The following FLI1 variants were observed in gnomAD, a reference collection of about 807,000 sequenced individuals.
The protein encoded by FLI1 is Friend leukemia integration 1 transcription factor.
A neutral mutation model predicts 53.1 loss-of-function variants in FLI1; 13 were observed. The ratio of observed to expected loss-of-function variants is 0.24; its 90% CI spans 0.16 to 0.39. The LOEUF (loss-of-function observed/expected upper bound fraction) is 0.39, where lower values mean the gene tolerates loss of function less well. Among genes scored for constraint, FLI1 ranks in the 10% least tolerant of loss-of-function variants. FLI1 has a pLI of 1.00. For synonymous variants in FLI1, 244 were observed against 236.7 expected, an observed-to-expected ratio of 1.03 and a Z score of -0.28; for missense variants, 424 against 600.5, an observed-to-expected ratio of 0.71 and a Z score of 3.07.
At chr11:128,735,896 T>A (rs757882922) in intron 1 of FLI1, among the ~76,000 whole-genome samples, 1 of 152,202 alleles carries the variant, frequency 6.6e-6, no homozygotes, top group Non-Finnish European at 1.5e-5. Context: ...TTGTTTAACT[T>A]TGAAGGGAAT....
chr11:128,805,997 C>T (rs1942772965), intron 6 of FLI1: 1 of 151,780 alleles, frequency 6.6e-6, no homozygotes, highest in Admixed American at 6.6e-5. Context: ...CGAAGTCTAC[C>T]CAATATCCCC....
At chr11:128,769,148 A>G (rs1941463209) in intron 3 of FLI1, among the ~76,000 whole-genome samples, 1 of 152,186 alleles carries the variant, frequency 6.6e-6, no homozygotes, top group South Asian at 2.1e-4. Flanking sequence ...TTGGTCCCAG[A>G]AAATAAAATC....
intron 3 of FLI1, among the ~76,000 whole-genome samples, chr11:128,769,469 G>A (rs1386473759): frequency 6.6e-6 from 1 of 152,164 alleles, no homozygotes; most frequent in East Asian, 1.9e-4. Flanking sequence ...TAGGTCTAAA[G>A]GCAGAAATGT....
chr11:128,768,166 C>T lies in FLI1; in HGVS notation c.279C>T (p.Gly93=), dbSNP rs185251679. Residue 93 remains glycine (G), a synonymous_variant, in exon 3 of 9, where the codon GGC becomes GGT. Coordinates refer to ENST00000527786, the MANE Select transcript of FLI1 (RefSeq NM_002017.5). ...TTAGCAAATGCAGCAAGCTGGTGGG[C>T]GGAGGCGAGTCCAACCCCATGAACT... ...CSVSKCSKLV[G]GGESNPMNYN... 2.6e-4 allele frequency: 412 copies of T among 1,613,732 alleles called. No individual in the cohort carries two copies. In the East Asian group the frequency reaches 7.0e-3, roughly 27 times the overall value.
upstream of FLI1, chr11:128,693,669 A>T: frequency 4.3e-6 from 1 of 231,438 alleles, no homozygotes; most frequent in Non-Finnish European, 8.5e-6. Context: ...TTGGCTTTGG[A>T]TTTTGGGGGA....
intron 1 of FLI1, among the ~76,000 whole-genome samples, chr11:128,726,739 C>G (rs1939501427): frequency 6.6e-6 from 1 of 152,100 alleles, no homozygotes; most frequent in Admixed American, 6.5e-5. Flanking sequence ...GGTGCTTTGC[C>G]CATAGGTGCA....
At chr11:128,799,037 A>ATT (rs201505573) in intron 5 of FLI1, among the ~76,000 whole-genome samples, 8 of 130,788 alleles carry the variant, frequency 6.1e-5, no homozygotes, top group African/African-American at 2.0e-4. Flanking sequence ...TATTATTATT[A>ATT]TTATTATTAT....
chr11:128,722,465 G>C (rs920183833), intron 1 of FLI1, among the ~76,000 whole-genome samples: 13 of 152,210 alleles, frequency 8.5e-5, no homozygotes, highest in Non-Finnish European at 1.9e-4. Flanking sequence ...CATTCCTGCT[G>C]TGCCCACTGC....
At chr11:128,703,410 T>A (rs1938420366) in intron 1 of FLI1, among the ~76,000 whole-genome samples, 1 of 152,200 alleles carries the variant, frequency 6.6e-6, no homozygotes, top group African/African-American at 2.4e-5. Flanking sequence ...TGTCCACCAG[T>A]AGGGGACTAG....
chr11:128,807,080 G>A, intron 6 of FLI1, 100 bp from the exon 7 acceptor site: 1 of 576,804 alleles, frequency 1.7e-6, no homozygotes, highest in Non-Finnish European at 3.0e-6. Context: ...TCAGTGGAGA[G>A]TGGGCGAAGG....
chr11:128,796,217 C>A (rs111437504), intron 5 of FLI1, among the ~76,000 whole-genome samples: 1,953 of 152,276 alleles, frequency 0.013, 22 homozygotes, highest in Non-Finnish European at 0.019. Context: ...CACCAACAGT[C>A]CTATGCTTGA....
At chr11:128,775,178 C>G (rs1374106676) in intron 4 of FLI1, among the ~76,000 whole-genome samples, 5 of 151,922 alleles carry the variant, frequency 3.3e-5, no homozygotes, top group Non-Finnish European at 7.4e-5. Flanking sequence ...TGGTGGCGAA[C>G]AGTAGTACAT....
At chr11:128,686,537 A>G in exon 1 of FLI1, 1 of 454,324 alleles carries the variant, frequency 2.2e-6, no homozygotes, top group Non-Finnish European at 4.4e-6. Flanking sequence ...AAACCCCTAC[A>G]GTCTCTCCAT....
chr11:128,755,198 T>C (rs1225014130), intron 1 of FLI1, among the ~76,000 whole-genome samples: 1 of 152,210 alleles, frequency 6.6e-6, no homozygotes, highest in East Asian at 1.9e-4. Flanking sequence ...TGCCCATCTA[T>C]GGAGCATCAC....
intron 1 of FLI1, among the ~76,000 whole-genome samples, chr11:128,731,523 AAAAACAAAAAC>A (rs1441271251): frequency 1.3e-5 from 2 of 152,144 alleles, no homozygotes. Flanking sequence ...AAAACAAACA[AAAAACAAAAAC>A]AAAACAAAAA....
chr11:128,769,756 T>C (rs1006209515), intron 3 of FLI1, among the ~76,000 whole-genome samples: 4 of 152,238 alleles, frequency 2.6e-5, no homozygotes, highest in Admixed American at 2.0e-4. Context: ...GAGTGCTTTC[T>C]AGGTGCCAGG....
intron 2 of FLI1, chr11:128,764,617 C>T: frequency 6.5e-7 from 1 of 1,526,990 alleles, no homozygotes; most frequent in Non-Finnish European, 8.8e-7. Context: ...CCGCACTCCC[C>T]CTCCCTCTTG....
chr11:128,789,905 C>T (rs750617048), intron 5 of FLI1, among the ~76,000 whole-genome samples: 37 of 152,206 alleles, frequency 2.4e-4, no homozygotes, highest in Non-Finnish European at 4.6e-4. Flanking sequence ...GCCCCATCTA[C>T]GTCAGCTCAC....
intron 5 of FLI1, among the ~76,000 whole-genome samples, chr11:128,800,993 A>C (rs1942620851): frequency 2.0e-5 from 3 of 152,260 alleles, no homozygotes; most frequent in Admixed American, 6.5e-5. Context: ...TGTCAGAACC[A>C]GGGTGTGATT....
Sources: allele counts gnomAD v4.1 joint callset (sites outside exome capture counted in the v4.1 genomes callset), GRCh38; gene constraint gnomAD v4.1.1; transcripts MANE v1.5; gene names NCBI Gene and HGNC (gene_info 2026-07-23, HGNC 2026-07-21).